The following SCARA3 variants were observed in gnomAD, a reference collection of about 807,000 sequenced individuals.
SCARA3 encodes cellular stress response gene protein.
A neutral mutation model predicts 47.0 loss-of-function variants in SCARA3; 39 were observed. That is an observed-to-expected ratio of 0.83 (90% confidence interval 0.64 to 1.08). SCARA3 has a LOEUF of 1.08. Ranked by LOEUF, SCARA3 falls within the 50% of genes least tolerant of loss-of-function variation. SCARA3 has a pLI of 0.00. For missense variants in SCARA3, 724 were observed against 792.3 expected (o/e 0.91, Z 1.04); for synonymous variants, 356 against 334.1 (o/e 1.07, Z -0.71).
chr8:27,664,460 ACT>A (rs1480434784), intron 5 of SCARA3, among the ~76,000 whole-genome samples: 1 of 152,176 alleles, frequency 6.6e-6, no homozygotes, highest in Non-Finnish European at 1.5e-5. Flanking sequence ...GCACAGGGTC[ACT>A]CTGATTTAAA....
chr8:27,641,774 T>A (rs150291713), intron 1 of SCARA3, among the ~76,000 whole-genome samples: 1 of 152,196 alleles, frequency 6.6e-6, no homozygotes, highest in Non-Finnish European at 1.5e-5. Context: ...GCAGGCAGGA[T>A]GTGTAGAGAT....
chr8:27,640,385 T>C (rs1231732222), intron 1 of SCARA3, among the ~76,000 whole-genome samples: 2 of 152,184 alleles, frequency 1.3e-5, no homozygotes, highest in Non-Finnish European at 2.9e-5. Context: ...GTTATTTTTA[T>C]TTTTATTTTA....
chr8:27,670,832 C>G, intron 5 of SCARA3, 68 bp from the exon 6 acceptor site: 3 of 1,371,102 alleles, frequency 2.2e-6, no homozygotes, highest in Non-Finnish European at 2.0e-6. Context: ...GCCCGCTCTG[C>G]TCATGGGCGA....
At chr8:27,724,276 T>C in the SCARA3 span, among the ~76,000 whole-genome samples, 122 of 152,308 alleles carry the variant, frequency 8.0e-4, no homozygotes, top group Non-Finnish European at 1.6e-3. Flanking sequence ...ATAAATATAT[T>C]TTATCTGGCT....
downstream of SCARA3, among the ~76,000 whole-genome samples, chr8:27,676,262 C>T (rs1182696157): frequency 1.3e-5 from 2 of 152,182 alleles, no homozygotes; most frequent in Admixed American, 6.5e-5. Flanking sequence ...GTTCCCAGAG[C>T]CAGCTAGTGA....
At chr8:27,692,249 C>T in the SCARA3 span, among the ~76,000 whole-genome samples, 64 of 151,990 alleles carry the variant, frequency 4.2e-4, 1 homozygote, top group Non-Finnish European at 1.5e-4. Context: ...GAGAAACCCC[C>T]GTCTCTACTA....
the SCARA3 span, among the ~76,000 whole-genome samples, chr8:27,719,735 AT>A: frequency 6.6e-6 from 1 of 152,028 alleles, no homozygotes; most frequent in Non-Finnish European, 1.5e-5. Flanking sequence ...TATGCTGTTG[AT>A]TTTTTTGCAA....
the SCARA3 span, among the ~76,000 whole-genome samples, chr8:27,730,576 C>T: frequency 1.3e-5 from 2 of 151,632 alleles, no homozygotes; most frequent in African/African-American, 4.9e-5. Flanking sequence ...CTTGACCTCC[C>T]AGGCTCAAGC....
chr8:27,666,386 C>T (rs1448823025), intron 5 of SCARA3, among the ~76,000 whole-genome samples: 1 of 152,232 alleles, frequency 6.6e-6, no homozygotes, highest in Non-Finnish European at 1.5e-5. Context: ...ATGTTTTGGT[C>T]TTTCTCTAAC....
Position 27,672,143 on chromosome 8 carries a change from T to G in SCARA3, c.*792T>G. 1 of 985,462 alleles carries G rather than the reference T, an allele frequency of 1.0e-6. No individual in the cohort carries two copies. The highest frequency in any genetic ancestry group is 1.2e-6 in the Non-Finnish European group (1 of 829,948). 61.0% of individuals were successfully genotyped at this position (985,462 alleles called of 1,614,324 possible). On this transcript the variant is annotated 3_prime_UTR_variant, in exon 6 of 6. Coordinates refer to ENST00000301904, the MANE Select transcript of SCARA3 (RefSeq NM_016240.3). ...AGCATACCCGGGAGCTGTCCCTGTC[T>G]GTCACAGCACAGTGGGGCCACGAGG...
chr8:27,708,875 AG>A, the SCARA3 span, among the ~76,000 whole-genome samples: 7 of 152,216 alleles, frequency 4.6e-5, no homozygotes, highest in Non-Finnish European at 8.8e-5. Context: ...ATAGCAAAAA[AG>A]AAATGTGAGT....
chr8:27,670,137 C>T (rs1802112509), intron 5 of SCARA3, among the ~76,000 whole-genome samples: 1 of 152,172 alleles, frequency 6.6e-6, no homozygotes, highest in African/African-American at 2.4e-5. Flanking sequence ...ACAGGAGGGT[C>T]CATGGCTGCT....
rs757314343 is a variant in SCARA3, at chr8:27,646,972, G to GC, written c.8-2720dup. On this transcript the variant is annotated intron_variant, in intron 1 of 5. Coordinates refer to ENST00000301904, the MANE Select transcript of SCARA3 (RefSeq NM_016240.3). Reference sequence around the variant, plus strand: ...CTTGCCCGCACCCCTGACCGCCCCCGCCCCCCCCCCGCACACACACACTAT... The same window carrying GC: ...CTTGCCCGCACCCCTGACCGCCCCCGCCCCCCCCCCCGCACACACACACTAT... Among the ~76,000 whole-genome samples the GC allele has an allele frequency of 8.2e-3, 193 of 23,500 alleles. 8 individuals carry two copies. Among genetic ancestry groups the GC allele is most frequent in the African/African-American group, 0.031 (185 of 5,968 alleles). 15.4% of individuals were successfully genotyped at this position (23,500 alleles called of 152,430 possible). A position where few individuals can be genotyped will look rare whatever the true frequency, so the allele number is the denominator to read the frequency against.
At chr8:27,676,841 A>T, downstream of SCARA3, 1 of 340,764 alleles carries the variant, frequency 2.9e-6, no homozygotes. Flanking sequence ...CTCAAACCCA[A>T]CTCTGTTGCG....
chr8:27,700,720 G>A, the SCARA3 span, among the ~76,000 whole-genome samples: 1 of 152,098 alleles, frequency 6.6e-6, no homozygotes, highest in Non-Finnish European at 1.5e-5. Flanking sequence ...AATCATCAGG[G>A]AAATGCAAAT....
intron 3 of SCARA3, among the ~76,000 whole-genome samples, chr8:27,652,948 C>T (rs1801664146): frequency 6.6e-6 from 1 of 152,170 alleles, no homozygotes; most frequent in South Asian, 2.1e-4. Context: ...GATTTAAGAA[C>T]CAAGGATTTC....
chr8:27,657,829 T>C (rs1346473614), intron 4 of SCARA3, among the ~76,000 whole-genome samples: 1 of 152,136 alleles, frequency 6.6e-6, no homozygotes, highest in Non-Finnish European at 1.5e-5. Flanking sequence ...CGTGAGCCAC[T>C]GCACCCAGCA....
chr8:27,684,893 C>A, the SCARA3 span, among the ~76,000 whole-genome samples: 1 of 145,544 alleles, frequency 6.9e-6, no homozygotes, highest in Non-Finnish European at 1.5e-5. Context: ...CATAGTGAGA[C>A]ACTTCTCTAA....
chr8:27,689,200 G>A, the SCARA3 span, among the ~76,000 whole-genome samples: 6 of 152,152 alleles, frequency 3.9e-5, no homozygotes, highest in Non-Finnish European at 8.8e-5. Context: ...AACCAGTTCC[G>A]GAAGTGTCCA....
Sources: allele counts gnomAD v4.1 joint callset (sites outside exome capture counted in the v4.1 genomes callset), GRCh38; gene constraint gnomAD v4.1.1; transcripts MANE v1.5; gene names NCBI Gene and HGNC (gene_info 2026-07-23, HGNC 2026-07-21).